The following FAM161A variants were observed in gnomAD, a reference collection of about 807,000 sequenced individuals.
The protein encoded by FAM161A is protein FAM161A.
In FAM161A, 57 loss-of-function variants were observed where a neutral mutation model predicts 70.9. That is an observed-to-expected ratio of 0.80 (90% CI 0.65 to 1.00). The LOEUF (loss-of-function observed/expected upper bound fraction) is 1.00, where lower values mean the gene tolerates loss of function less well. Among genes scored for constraint, FAM161A ranks in the 50% least tolerant of loss-of-function variants. The pLI is 0.00. For missense variants in FAM161A, 880 were observed against 836.0 expected, an observed-to-expected ratio of 1.05 and a Z score of -0.65; for synonymous variants, 299 against 295.7, an observed-to-expected ratio of 1.01 and a Z score of -0.12.
intron 2 of FAM161A, among the ~76,000 whole-genome samples, chr2:61,841,209 T>C (rs562782118): frequency 6.6e-6 from 1 of 152,232 alleles, no homozygotes; most frequent in East Asian, 1.9e-4. Context: ...TGAAACTTTT[T>C]GATAATTCCT....
chr2:61,816,368 A>G, the FAM161A span, among the ~76,000 whole-genome samples: 1 of 152,164 alleles, frequency 6.6e-6, no homozygotes, highest in African/African-American at 2.4e-5. Context: ...CAAATCTACA[A>G]GTATCATCTT....
At chr2:61,824,296 C>A (rs190338809), downstream of FAM161A, among the ~76,000 whole-genome samples, 1 of 151,590 alleles carries the variant, frequency 6.6e-6, no homozygotes, top group African/African-American at 2.4e-5. Flanking sequence ...TCTCGGCCTC[C>A]CAAAGTGAAC....
intron 4 of FAM161A, among the ~76,000 whole-genome samples, chr2:61,838,265 A>G (rs1438013113): frequency 6.6e-6 from 1 of 152,230 alleles, no homozygotes; most frequent in African/African-American, 2.4e-5. Flanking sequence ...AGATATTGGT[A>G]TAAGATTATA....
the FAM161A span, among the ~76,000 whole-genome samples, chr2:61,812,171 A>G: frequency 1.5e-3 from 228 of 151,522 alleles, no homozygotes; most frequent in Middle Eastern, 3.4e-3. Flanking sequence ...TCACCCCTTT[A>G]CCTTGCTTTA....
chr2:61,830,747 A>T (rs188077685), intron 5 of FAM161A, among the ~76,000 whole-genome samples: 6 of 149,924 alleles, frequency 4.0e-5, no homozygotes, highest in African/African-American at 7.3e-5. Context: ...GCCTCAAATG[A>T]TCCTCCCCCC....
At chr2:61,852,249 C>G (rs1413998062) in intron 1 of FAM161A, among the ~76,000 whole-genome samples, 1 of 151,826 alleles carries the variant, frequency 6.6e-6, no homozygotes, top group Non-Finnish European at 1.5e-5. Context: ...AAGGTAATAA[C>G]AGTTTCTAAC....
chr2:61,835,411 C>T (rs1048384511), intron 5 of FAM161A: 4 of 151,888 alleles, frequency 2.6e-5, no homozygotes, highest in African/African-American at 7.3e-5. Context: ...GTTTGTTTTT[C>T]GTATAGAAAG....
the FAM161A span, among the ~76,000 whole-genome samples, chr2:61,812,881 A>G: frequency 6.6e-6 from 1 of 151,964 alleles, no homozygotes; most frequent in South Asian, 2.1e-4. Context: ...CATGCTGGCT[A>G]ATACGGTGAA....
intron 5 of FAM161A, among the ~76,000 whole-genome samples, chr2:61,831,066 C>A (rs549071215): frequency 6.9e-6 from 1 of 145,588 alleles, no homozygotes; most frequent in African/African-American, 2.6e-5. Context: ...GAGCTGAGAT[C>A]GAGCCACTGC....
chr2:61,833,200 G>A (rs535318228), intron 5 of FAM161A, among the ~76,000 whole-genome samples: 6 of 152,108 alleles, frequency 3.9e-5, no homozygotes, highest in African/African-American at 1.4e-4. Flanking sequence ...CAATGCAGAC[G>A]GATCATCAGG....
At chr2:61,828,516 C>T (rs374349351) in intron 5 of FAM161A, among the ~76,000 whole-genome samples, 24 of 152,076 alleles carry the variant, frequency 1.6e-4, no homozygotes, top group Middle Eastern at 3.4e-3. Context: ...TTTTGTAGGA[C>T]GGGGCGTCAC....
intron 4 of FAM161A, among the ~76,000 whole-genome samples, chr2:61,837,742 T>A (rs894289550): frequency 5.9e-5 from 9 of 151,964 alleles, no homozygotes; most frequent in African/African-American, 2.2e-4. Context: ...AAAAAATAAA[T>A]AAATAAAAAA....
the FAM161A span, among the ~76,000 whole-genome samples, chr2:61,815,835 G>A: frequency 6.6e-6 from 1 of 151,982 alleles, no homozygotes; most frequent in Admixed American, 6.6e-5. Context: ...ACAGGCGTGA[G>A]CCACCACACC....
the FAM161A span, among the ~76,000 whole-genome samples, chr2:61,802,930 G>C: frequency 6.6e-6 from 1 of 152,272 alleles, no homozygotes; most frequent in African/African-American, 2.4e-5. Flanking sequence ...AAGTAAACCA[G>C]CAACTTGATT....
intron 5 of FAM161A, among the ~76,000 whole-genome samples, chr2:61,830,338 C>G (rs1024465205): frequency 2.0e-5 from 3 of 152,012 alleles, no homozygotes; most frequent in Admixed American, 6.6e-5. Flanking sequence ...TGACAGGTCT[C>G]TCAATGACCA....
chr2:61,842,292 G>A lies in FAM161A; in HGVS notation c.252C>T (p.Asn84=), dbSNP rs561697683. 4.8e-5 allele frequency: 77 copies of A among 1,610,292 alleles called. No individual in the cohort carries two copies. The Admixed American group carries it at 1.2e-3, about 26-fold the overall frequency. Residue 84 remains asparagine, a synonymous_variant, in exon 2 of 7, where the codon AAC becomes AAT. Transcript: ENST00000404929. ...HAPISYEDFV[N]FPDIHHSNEE... The stretch of plus-strand genomic sequence containing the variant: ...CATTAGAGTGGTGAATATCAGGAAA[G>A]TTCACAAAGTCCTCATAGCTTATCG...
intron 5 of FAM161A, among the ~76,000 whole-genome samples, chr2:61,832,346 G>T (rs1458624605): frequency 2.0e-5 from 3 of 151,836 alleles, no homozygotes; most frequent in Non-Finnish European, 4.4e-5. Context: ...TTTAATAAAT[G>T]GGAAGCATTC....
intron 3 of FAM161A, among the ~76,000 whole-genome samples, 191 bp from the exon 4 acceptor site, chr2:61,838,896 T>TTTATTTA (rs373834208): frequency 0.028 from 3,035 of 108,048 alleles, 57 homozygotes; most frequent in African/African-American, 0.049. Context: ...TTATTTATTT[T>TTTATTTA]TTTTGAGATG....
In FAM161A at chr2:61,842,306, C is replaced by A; in HGVS notation, c.238G>T (p.Glu80Ter). The A allele has an allele frequency of 6.2e-7, 1 of 1,600,900 alleles. No homozygotes were observed. The highest frequency in any genetic ancestry group is 1.1e-5 in the South Asian group (1 of 89,870). The change falls in exon 2 of 7, where the codon GAG (glutamate) becomes TAG (stop). Residue 80 changes from glutamate to a stop codon, truncating the protein, a stop_gained. Transcript: ENST00000404929. LOFTEE classifies it high-confidence loss of function. Reference sequence around the variant, plus strand: ...ATATCAGGAAAGTTCACAAAGTCCTCATAGCTTATCGGTGCATGTTCATCC... The same window carrying A: ...ATATCAGGAAAGTTCACAAAGTCCTAATAGCTTATCGGTGCATGTTCATCC... ...GVDEHAPISY[E>*]DFVNFPDIHH... is the part of the protein sequence containing the mutation.
Sources: allele counts gnomAD v4.1 joint callset (sites outside exome capture counted in the v4.1 genomes callset), GRCh38; gene constraint gnomAD v4.1.1; transcripts MANE v1.5; gene names NCBI Gene and HGNC (gene_info 2026-07-23, HGNC 2026-07-21).